KIF13B: variants seen among roughly 807,000 people sequenced by gnomAD.
KIF13B encodes the protein kinesin family member 13B.
KIF13B carries 127 observed loss-of-function variants against 222.0 expected under a neutral mutation model. The ratio of observed to expected loss-of-function variants is 0.57; its 90% CI spans 0.50 to 0.66. The LOEUF is 0.66. KIF13B is among the 30% of genes least tolerant of loss of function. The probability of loss-of-function intolerance (pLI) is 0.00; values close to 1 mark genes in which losing one functional copy is unlikely to be tolerated. For synonymous variants in KIF13B, 976 were observed against 919.0 expected (o/e 1.06, Z -1.12); for missense variants, 2,173 against 2,379.0 (o/e 0.91, Z 1.80).
intron 2 of KIF13B, among the ~76,000 whole-genome samples, chr8:29,241,612 G>A (rs1022822243): frequency 4.6e-5 from 7 of 150,788 alleles, no homozygotes; most frequent in African/African-American, 1.7e-4. Context: ...GCACGAACAT[G>A]ATGGAGGGGA....
chr8:29,147,608 C>CA lies in KIF13B; in HGVS notation c.1814-7dup, dbSNP rs775633127. The CA allele has an allele frequency of 6.2e-7, 1 of 1,600,010 alleles. No homozygotes were observed. Among genetic ancestry groups the CA allele is most frequent in the South Asian group, 1.1e-5 (1 of 90,746 alleles). On this transcript the variant is annotated splice_polypyrimidine_tract_variant and splice_region_variant and intron_variant, in intron 16 of 39. Transcript: ENST00000524189. ...TAATATGGACTGCATCGGATCTAAA[C>CA]ACATTTTTAAAAAAGATACATGATC...
intron 37 of KIF13B, among the ~76,000 whole-genome samples, chr8:29,076,901 G>A (rs1370559997): frequency 1.3e-5 from 2 of 152,138 alleles, no homozygotes; most frequent in Non-Finnish European, 2.9e-5. Flanking sequence ...CTTAAGCCCA[G>A]GAGTTGGAGG....
intron 12 of KIF13B, among the ~76,000 whole-genome samples, chr8:29,162,816 T>C (rs1811839385): frequency 6.6e-6 from 1 of 152,212 alleles, no homozygotes; most frequent in Admixed American, 6.5e-5. Context: ...TAAAATACAG[T>C]TTACTGATAT....
chr8:29,237,352 ATATAT>A (rs1246876702), intron 2 of KIF13B, among the ~76,000 whole-genome samples: 1 of 152,182 alleles, frequency 6.6e-6, no homozygotes, highest in African/African-American at 2.4e-5. Context: ...ATTTTATTTA[ATATAT>A]TATATGCAAT....
At chr8:29,131,585 T>C (rs1031246009) in intron 23 of KIF13B, among the ~76,000 whole-genome samples, 19 of 152,222 alleles carry the variant, frequency 1.2e-4, no homozygotes, top group Non-Finnish European at 2.4e-4. Context: ...TTTCAGTCAA[T>C]CCCTTTTAAT....
At chr8:29,080,179 A>G (rs1036035499) in intron 37 of KIF13B, among the ~76,000 whole-genome samples, 3 of 152,062 alleles carry the variant, frequency 2.0e-5, no homozygotes, top group African/African-American at 7.2e-5. Flanking sequence ...CCATCTCTAC[A>G]AAGATTAAAT....
chr8:29,137,213 G>T (rs866805806), intron 21 of KIF13B, among the ~76,000 whole-genome samples: 1 of 151,772 alleles, frequency 6.6e-6, no homozygotes, highest in African/African-American at 2.4e-5. Context: ...TGTTAAAATA[G>T]ACAAGAAACA....
chr8:29,155,971 TTTTTA>T, intron 13 of KIF13B, 115 bp from the exon 14 acceptor site: 1 of 769,486 alleles, frequency 1.3e-6, no homozygotes, highest in Non-Finnish European at 2.1e-6. Flanking sequence ...ATTTTTTTTA[TTTTTA>T]TTTTATTTTT....
intron 2 of KIF13B, among the ~76,000 whole-genome samples, chr8:29,231,043 G>C (rs1005075609): frequency 9.9e-5 from 15 of 152,074 alleles, no homozygotes; most frequent in Admixed American, 2.6e-4. Context: ...ACCATGCCCA[G>C]GTGATTTTTT....
chr8:29,164,536 C>T (rs1247574000), intron 12 of KIF13B, among the ~76,000 whole-genome samples: 1 of 152,192 alleles, frequency 6.6e-6, no homozygotes, highest in East Asian at 1.9e-4. Flanking sequence ...CTGGCTGTTA[C>T]TGCCATCACC....
At chr8:29,209,086 T>C (rs545872030) in intron 2 of KIF13B, among the ~76,000 whole-genome samples, 2 of 152,284 alleles carry the variant, frequency 1.3e-5, no homozygotes, top group African/African-American at 4.8e-5. Context: ...GAGGATCAAA[T>C]GTAAATGCAA....
rs192204848 is a variant in KIF13B at position 29,188,619 on chromosome 8, A to C, written c.224-12T>G. 2.6e-6 allele frequency: 4 copies of C among 1,550,982 alleles called. No homozygotes were observed. The highest frequency in any genetic ancestry group is 3.5e-6 in the Non-Finnish European group (4 of 1,132,430). On this transcript the variant is annotated splice_polypyrimidine_tract_variant and intron_variant, in intron 4 of 39. Transcript: ENST00000524189. ...AACAATATCTTGACCTGAGAGAGAG[A>C]GAATAAGAGAAAAGATATTTTAAGC...
intron 2 of KIF13B, among the ~76,000 whole-genome samples, chr8:29,239,446 T>C (rs986391068): frequency 2.6e-5 from 4 of 152,190 alleles, no homozygotes; most frequent in Non-Finnish European, 4.4e-5. Flanking sequence ...AAACCTAACA[T>C]TGTATGTTCT....
At chr8:29,225,691 G>A (rs1814989903) in intron 2 of KIF13B, among the ~76,000 whole-genome samples, 1 of 152,200 alleles carries the variant, frequency 6.6e-6, no homozygotes, top group Non-Finnish European at 1.5e-5. Flanking sequence ...ATCGATTCCT[G>A]TGTTACCAGC....
At chr8:29,220,629 G>A (rs1409775222) in intron 2 of KIF13B, among the ~76,000 whole-genome samples, 4 of 152,022 alleles carry the variant, frequency 2.6e-5, no homozygotes, top group East Asian at 1.9e-4. Context: ...AGAGAAGGAC[G>A]AGGAAGCCTA....
At chr8:29,142,124 AC>A in intron 19 of KIF13B, 32 bp downstream of exon 19, 1 of 1,586,772 alleles carries the variant, frequency 6.3e-7, no homozygotes, top group Non-Finnish European at 8.6e-7. Flanking sequence ...TTCCATAATT[AC>A]CAATTAAGTG....
chr8:29,165,787 T>C lies in KIF13B; in HGVS notation c.1159-15A>G, dbSNP rs372457218. 15 of 1,561,572 alleles carry C rather than the reference T, an allele frequency of 9.6e-6. No homozygotes were observed. The African/African-American group carries it at 1.9e-4, about 20-fold the overall frequency. Reference sequence around the variant, plus strand: ...GATTTCATTGCCTACAAGCAAAATGTTTACTTCATGAAATGTCTAGAAGAT... The same window carrying C: ...GATTTCATTGCCTACAAGCAAAATGCTTACTTCATGAAATGTCTAGAAGAT... On this transcript the variant is annotated splice_polypyrimidine_tract_variant and intron_variant, in intron 11 of 39. Coordinates refer to ENST00000524189, the MANE Select transcript of KIF13B (RefSeq NM_015254.4).
intron 13 of KIF13B, among the ~76,000 whole-genome samples, chr8:29,156,369 C>T (rs1305508298): frequency 1.3e-5 from 2 of 152,108 alleles, no homozygotes; most frequent in Non-Finnish European, 2.9e-5. Flanking sequence ...TTGACCCTGA[C>T]CTAGACTAAC....
intron 10 of KIF13B, among the ~76,000 whole-genome samples, chr8:29,175,326 T>C (rs1812428648): frequency 6.6e-6 from 1 of 152,172 alleles, no homozygotes; most frequent in Non-Finnish European, 1.5e-5. Context: ...TATTACATGT[T>C]ATCACCATCT....
Sources: gnomAD v4.1 joint callset for allele counts (sites outside exome capture counted in the v4.1 genomes callset) on GRCh38, gnomAD v4.1.1 for gene constraint, MANE v1.5 for transcripts, NCBI Gene and HGNC (gene_info 2026-07-23, HGNC 2026-07-21) for gene names.